ATP12A: variants seen among roughly 807,000 people sequenced by gnomAD.
ATP12A encodes the protein ATPase H+/K+ transporting non-gastric alpha2 subunit, also known as potassium-transporting ATPase alpha chain 2.
In ATP12A, 81 loss-of-function variants were observed where a neutral mutation model predicts 111.2. The observed-to-expected ratio is 0.73, with a 90% CI of 0.61 to 0.88. The LOEUF (loss-of-function observed/expected upper bound fraction) is 0.88, where lower values mean the gene tolerates loss of function less well. Among genes scored for constraint, ATP12A ranks in the 40% least tolerant of loss-of-function variants. The pLI is 0.00. For missense variants in ATP12A, 1,196 were observed against 1,313.1 expected, an observed-to-expected ratio of 0.91 and a Z score of 1.38; for synonymous variants, 498 against 499.8, an observed-to-expected ratio of 1.00 and a Z score of 0.05.
intron 7 of ATP12A, 64 bp from the exon 8 acceptor site, chr13:24,690,918 C>G (rs999914359): frequency 1.0e-5 from 16 of 1,594,760 alleles, no homozygotes; most frequent in Non-Finnish European, 1.4e-5. Context: ...GAGAGGGCTG[C>G]AAGCTGGCTG....
At chr13:24,699,664 A>G (rs923604123) in intron 12 of ATP12A, among the ~76,000 whole-genome samples, 5 of 152,172 alleles carry the variant, frequency 3.3e-5, no homozygotes, top group African/African-American at 1.2e-4. Context: ...AAGTGTCAGG[A>G]AGGAAGGAAC....
At position 24,694,524 on chromosome 13, in the gene ATP12A, A is replaced by G. The variant is rs1247001095; in HGVS notation, c.1458A>G (p.Arg486=). 1.9e-6 allele frequency: 3 copies of G among 1,614,020 alleles called. No homozygotes were observed. Among genetic ancestry groups the G allele is most frequent in the African/African-American group, 2.7e-5 (2 of 74,942 alleles). ...EVILGDVMEI[R]KRNRKVAEIP... is the part of the protein sequence containing the mutation. ...TTTTGGGTGATGTGATGGAAATTAG[A>G]AAAAGAAACCGCAAAGTAGCTGAAA... The change falls in exon 11 of 23, where the codon AGA becomes AGG. Residue 486 remains arginine, a synonymous_variant. Transcript: ENST00000381946.
chr13:24,705,912 G>A (rs1875609430), intron 14 of ATP12A, among the ~76,000 whole-genome samples: 1 of 152,112 alleles, frequency 6.6e-6, no homozygotes, highest in Admixed American at 6.6e-5. Context: ...GGCCTCAAGT[G>A]ATCCTCCTAC....
intron 10 of ATP12A, among the ~76,000 whole-genome samples, chr13:24,693,182 G>A (rs888417556): frequency 6.6e-6 from 1 of 152,202 alleles, no homozygotes; most frequent in African/African-American, 2.4e-5. Flanking sequence ...CAGCTAAGTG[G>A]ATATAATCAA....
chr13:24,690,889 T>C, intron 7 of ATP12A, 93 bp from the exon 8 acceptor site: 1 of 1,536,208 alleles, frequency 6.5e-7, no homozygotes, highest in South Asian at 1.2e-5. Flanking sequence ...GGTGTGCCTA[T>C]CGATTGTGCC....
intron 11 of ATP12A, among the ~76,000 whole-genome samples, chr13:24,697,768 A>G (rs1290688696): frequency 6.6e-6 from 1 of 151,754 alleles, no homozygotes; most frequent in African/African-American, 2.4e-5. Flanking sequence ...GGTTTTCTCA[A>G]TGTCTTTACT....
intron 14 of ATP12A, chr13:24,703,456 G>C (rs2137715454): frequency 6.6e-6 from 1 of 152,298 alleles, no homozygotes; most frequent in Admixed American, 6.5e-5. Flanking sequence ...TGGCCAGGCT[G>C]GTCTCAAACT....
At chr13:24,687,998 G>A (rs777971414) in intron 3 of ATP12A, among the ~76,000 whole-genome samples, 3 of 152,208 alleles carry the variant, frequency 2.0e-5, no homozygotes, top group Non-Finnish European at 2.9e-5. Context: ...GACAGGTTAC[G>A]TAATTTCTCT....
In ATP12A at chr13:24,698,859, G is replaced by A. The variant is rs371461173; in HGVS notation, c.1705+9G>A. Reference sequence around the variant, plus strand: ...GGGCGAGCGTGTGCTGGGTGAGTGCGGCGGCAGGGCCCTGCCCATCACCTG... The same window carrying A: ...GGGCGAGCGTGTGCTGGGTGAGTGCAGCGGCAGGGCCCTGCCCATCACCTG... On this transcript the variant is annotated intron_variant, in intron 12 of 22. Coordinates refer to ENST00000381946, the MANE Select transcript of ATP12A (RefSeq NM_001676.7). 35 of 1,612,628 alleles carry A rather than the reference G, an allele frequency of 2.2e-5. No individual in the cohort carries two copies. Among genetic ancestry groups the A allele is most frequent in the Middle Eastern group, 1.7e-4 (1 of 6,052 alleles).
At chr13:24,689,524 C>T (rs1874793069) in intron 5 of ATP12A, 149 bp downstream of exon 5, 1 of 672,596 alleles carries the variant, frequency 1.5e-6, no homozygotes, top group South Asian at 1.9e-5. Flanking sequence ...CTGTCAGAAC[C>T]CCAGTTCCTC....
intron 11 of ATP12A, 114 bp from the exon 12 acceptor site, chr13:24,698,544 A>G (rs1388812335): frequency 8.4e-7 from 1 of 1,184,550 alleles, no homozygotes; most frequent in Non-Finnish European, 1.2e-6. Context: ...AAAGGGCGGA[A>G]CATGCTGAGG....
intron 11 of ATP12A, among the ~76,000 whole-genome samples, chr13:24,697,035 T>C (rs941749137): frequency 6.6e-6 from 1 of 152,222 alleles, no homozygotes; most frequent in Non-Finnish European, 1.5e-5. Context: ...GATGAATGTA[T>C]TTAATTTAAA....
intron 8 of ATP12A, among the ~76,000 whole-genome samples, chr13:24,691,933 A>G (rs1448414793): frequency 2.0e-5 from 3 of 152,226 alleles, no homozygotes; most frequent in Admixed American, 2.0e-4. Flanking sequence ...AATTGGAGCC[A>G]AAAGAACCCT....
In ATP12A at chr13:24,689,381, T is replaced by G; in HGVS notation, c.546+6T>G. 1 of 1,611,878 alleles carries G rather than the reference T, an allele frequency of 6.2e-7. No homozygotes were observed. The highest frequency in any genetic ancestry group is 8.5e-7 in the Non-Finnish European group (1 of 1,178,124). Reference sequence around the variant, plus strand: ...TCAATAAGATGATCCCTCAGGTGAGTGGCAGCCACCTATCCTCTGGCCTCT... The same window carrying G: ...TCAATAAGATGATCCCTCAGGTGAGGGGCAGCCACCTATCCTCTGGCCTCT... On this transcript the variant is annotated splice_donor_region_variant and intron_variant, in intron 5 of 22. Coordinates refer to ENST00000381946, the MANE Select transcript of ATP12A (RefSeq NM_001676.7).
In ATP12A at chr13:24,710,861, A is replaced by T. The variant is rs1297840274; in HGVS notation, c.2967A>T (p.Gly989=). 2 of 1,614,046 alleles carry T rather than the reference A, an allele frequency of 1.2e-6. No homozygotes were observed. The highest frequency in any genetic ancestry group is 1.7e-6 in the Non-Finnish European group (2 of 1,180,026). The part of the protein sequence containing the change: ...IIGLILSYGL[G]SVTALSFTML... ...GTCTGATCCTCTCCTATGGCCTCGG[A>T]AGTGTCACAGCCTTGAGTTTCACCA... is the stretch of plus-strand genomic sequence containing the variant. The change falls in exon 21 of 23, where the codon GGA becomes GGT. Residue 989 remains glycine, a synonymous_variant. Coordinates refer to ENST00000381946, the MANE Select transcript of ATP12A (RefSeq NM_001676.7).
intron 17 of ATP12A, 33 bp downstream of exon 17, chr13:24,707,466 C>G: frequency 1.2e-6 from 2 of 1,613,290 alleles, no homozygotes; most frequent in Non-Finnish European, 1.7e-6. Context: ...GGCTGTGATG[C>G]CTGCCCCAGG....
At chr13:24,683,612 A>G (rs1395832037) in intron 2 of ATP12A, among the ~76,000 whole-genome samples, 2 of 152,192 alleles carry the variant, frequency 1.3e-5, no homozygotes, top group Non-Finnish European at 2.9e-5. Flanking sequence ...CGTATCTATC[A>G]TGAGAGACAT....
At chr13:24,710,705 T>C (rs1875928506) in intron 20 of ATP12A, 87 bp from the exon 21 acceptor site, 1 of 1,600,788 alleles carries the variant, frequency 6.2e-7, no homozygotes, top group East Asian at 2.2e-5. Flanking sequence ...CCCAGAGGCA[T>C]TGATTTTTCT....
rs1369245830 is a variant in ATP12A at position 24,702,034 on chromosome 13, C to T, written c.1981C>T (p.His661Tyr). Residue 661 changes from histidine (H) to tyrosine (Y), a missense_variant, in exon 14 of 23, where the codon CAT becomes TAT. Physicochemically the swap from His to Tyr is moderately conservative, Grantham distance 83. Around this residue, in one of 3 missense-constraint regions of ATP12A, gnomAD observed 1,126 missense variants for 1,228.5 expected, o/e 0.92. Transcript: ENST00000381946. ...CAGTGAAACAGTGGAAGACATTGCA[C>T]ATCGCCTCAACATTGCTGTGGAGCA... ...ANSETVEDIA[H>Y]RLNIAVEQVN... 5 of 1,614,218 alleles carry T rather than the reference C, an allele frequency of 3.1e-6. No individual in the cohort carries two copies. The highest frequency in any genetic ancestry group is 3.3e-5 in the Admixed American group (2 of 60,024).
Sources: gnomAD v4.1 joint callset for allele counts (sites outside exome capture counted in the v4.1 genomes callset) on GRCh38, gnomAD v4.1.1 for gene constraint, gnomAD v4.1.1 regional missense constraint, MANE v1.5 for transcripts, NCBI Gene and HGNC (gene_info 2026-07-23, HGNC 2026-07-21) for gene names.